Variants in PLXDC2 observed in about 807,000 individuals in gnomAD.
PLXDC2 encodes the protein plexin domain-containing protein 2.
In PLXDC2, 40 loss-of-function variants were observed where a neutral mutation model predicts 68.9. The ratio of observed to expected loss-of-function variants is 0.58; its 90% CI spans 0.45 to 0.76. The LOEUF (loss-of-function observed/expected upper bound fraction) is 0.76. Among genes scored for constraint, PLXDC2 ranks in the 30% least tolerant of loss-of-function variants. The pLI, the probability that PLXDC2 is intolerant of heterozygous loss-of-function variation, is 0.00. For synonymous variants in PLXDC2, 243 were observed against 234.2 expected (o/e 1.04, Z -0.34); for missense variants, 644 against 661.9 (o/e 0.97, Z 0.30).
At chr10:20,005,624 G>T (rs1364056778) in intron 2 of PLXDC2, among the ~76,000 whole-genome samples, 4 of 152,102 alleles carry the variant, frequency 2.6e-5, no homozygotes, top group Admixed American at 2.6e-4. Context: ...ATGGCAGGAG[G>T]TGAAGTGGGA....
At chr10:19,852,370 G>A (rs1378284936) in intron 1 of PLXDC2, among the ~76,000 whole-genome samples, 3 of 134,404 alleles carry the variant, frequency 2.2e-5, no homozygotes, top group Non-Finnish European at 3.1e-5. Context: ...AGGCTGCAGT[G>A]AGCCCACATT....
In PLXDC2 at chr10:20,089,171, TG is replaced by T. The variant is rs1833242794; in HGVS notation, c.541+20933del. On this transcript the variant is annotated intron_variant, in intron 4 of 13. Coordinates refer to ENST00000377252, the MANE Select transcript of PLXDC2 (RefSeq NM_032812.9). The stretch of plus-strand genomic sequence containing the variant: ...AATTAAAAAAAAACCTGTATATACG[TG>T]TGTGTGTGTGTGTGTGTGTGTGTGT... Among the ~76,000 whole-genome samples the T allele has an allele frequency of 1.4e-4, 3 of 21,426 alleles. No homozygotes were observed. The African/African-American group carries it at 3.4e-3, about 25-fold the overall frequency. The allele number at this position is 21,426 out of a possible 152,430, so 14.1% of individuals were successfully genotyped here.
chr10:19,891,932 A>G (rs1837971046), intron 1 of PLXDC2, among the ~76,000 whole-genome samples: 1 of 152,208 alleles, frequency 6.6e-6, no homozygotes, highest in Non-Finnish European at 1.5e-5. Flanking sequence ...AGAATAGCCT[A>G]GCTTTATTCT....
intron 6 of PLXDC2, among the ~76,000 whole-genome samples, chr10:20,155,178 T>G (rs570139614): frequency 1.3e-5 from 2 of 152,338 alleles, no homozygotes; most frequent in Non-Finnish European, 2.9e-5. Context: ...ATGCATTTTT[T>G]AAAATTTCTT....
At chr10:20,064,604 A>G (rs1836169428) in intron 3 of PLXDC2, among the ~76,000 whole-genome samples, 1 of 152,166 alleles carries the variant, frequency 6.6e-6, no homozygotes, top group African/African-American at 2.4e-5. Context: ...TATTTAATAA[A>G]GGATGCATAA....
At chr10:19,848,112 G>T (rs1837043725) in intron 1 of PLXDC2, among the ~76,000 whole-genome samples, 1 of 151,972 alleles carries the variant, frequency 6.6e-6, no homozygotes, top group Non-Finnish European at 1.5e-5. Context: ...TTGAGCCCAG[G>T]ACTTTGAGAC....
At chr10:19,928,743 A>G (rs576613958) in intron 1 of PLXDC2, among the ~76,000 whole-genome samples, 1 of 145,052 alleles carries the variant, frequency 6.9e-6, no homozygotes, top group East Asian at 2.1e-4. Context: ...GGAAGGGAAG[A>G]TAGGACTTTT....
chr10:20,063,222 C>G (rs928889797), intron 3 of PLXDC2, among the ~76,000 whole-genome samples: 1 of 152,096 alleles, frequency 6.6e-6, no homozygotes, highest in Non-Finnish European at 1.5e-5. Context: ...CTATGGTAAA[C>G]TCATGAGATC....
chr10:19,893,492 A>T (rs1412550714), intron 1 of PLXDC2, among the ~76,000 whole-genome samples: 1 of 152,216 alleles, frequency 6.6e-6, no homozygotes, highest in African/African-American at 2.4e-5. Context: ...GTCATCTAAC[A>T]CAAATACATT....
In PLXDC2 at chr10:20,287,642, T is replaced by C. The variant is rs573462425; in HGVS notation, c.*7823T>C. On this transcript the variant is annotated 3_prime_UTR_variant, in exon 14 of 14. Transcript: ENST00000377252. ...CATCAGAGCTTCACTTGCAAAGAAA[T>C]GTTAAAATCATTTTAGGGAAATCAG... 5.3e-5 allele frequency: 8 copies of C among 152,270 alleles called. No homozygotes were observed. The highest frequency in any genetic ancestry group is 5.2e-4 in the Admixed American group (8 of 15,296). The allele number at this position is 152,270 out of a possible 1,614,324, so 9.4% of individuals were successfully genotyped here.
At chr10:20,138,145 G>A (rs1833957634) in intron 4 of PLXDC2, among the ~76,000 whole-genome samples, 1 of 152,056 alleles carries the variant, frequency 6.6e-6, no homozygotes, top group South Asian at 2.1e-4. Context: ...GTTTGGTGAG[G>A]TTTTGTATCC....
At chr10:20,255,770 A>G (rs899367048) in intron 13 of PLXDC2, among the ~76,000 whole-genome samples, 2 of 152,096 alleles carry the variant, frequency 1.3e-5, no homozygotes, top group African/African-American at 4.8e-5. Context: ...TAAAGAATGT[A>G]TTATAAATGA....
At chr10:20,116,151 C>G (rs1833618335) in intron 4 of PLXDC2, among the ~76,000 whole-genome samples, 1 of 152,168 alleles carries the variant, frequency 6.6e-6, no homozygotes, top group South Asian at 2.1e-4. Context: ...CCTGCAGTCC[C>G]CTTTCAGAAG....
chr10:20,094,600 A>G (rs543095982), intron 4 of PLXDC2, among the ~76,000 whole-genome samples: 2 of 152,054 alleles, frequency 1.3e-5, no homozygotes, highest in Non-Finnish European at 2.9e-5. Context: ...TGCATTTCAT[A>G]GAAAGTTATA....
intron 9 of PLXDC2, among the ~76,000 whole-genome samples, chr10:20,178,847 T>G (rs4747392): frequency 0.93 from 141,066 of 152,046 alleles, 65,523 homozygotes; most frequent in Non-Finnish European, 0.95. Context: ...TTTGTGAAAT[T>G]AATTCCAAAT....
chr10:20,099,765 T>C (rs1474688579), intron 4 of PLXDC2, among the ~76,000 whole-genome samples: 1 of 152,194 alleles, frequency 6.6e-6, no homozygotes, highest in African/African-American at 2.4e-5. Flanking sequence ...GGAGTGATTA[T>C]GTTGCTAGGG....
intron 1 of PLXDC2, among the ~76,000 whole-genome samples, chr10:19,852,281 G>A (rs1837132197): frequency 6.6e-6 from 1 of 151,728 alleles, no homozygotes; most frequent in Admixed American, 6.6e-5. Flanking sequence ...GCTCATGCCT[G>A]TGGTGCCAGC....
chr10:20,140,403 A>ATATAT (rs869307326), intron 4 of PLXDC2, among the ~76,000 whole-genome samples: 1 of 22,786 alleles, frequency 4.4e-5, no homozygotes, highest in African/African-American at 2.8e-4. Context: ...TATATATATA[A>ATATAT]AATATCTATC....
chr10:20,275,466 T>G (rs530157104), intron 13 of PLXDC2, among the ~76,000 whole-genome samples: 1 of 152,176 alleles, frequency 6.6e-6, no homozygotes, highest in South Asian at 2.1e-4. Flanking sequence ...TTAGAAAGTA[T>G]AGGATTCATA....
Sources: gnomAD v4.1 joint callset for allele counts (sites outside exome capture counted in the v4.1 genomes callset) on GRCh38, gnomAD v4.1.1 for gene constraint, MANE v1.5 for transcripts, NCBI Gene and HGNC (gene_info 2026-07-23, HGNC 2026-07-21) for gene names.